AEBP2: variants seen among roughly 807,000 people sequenced by gnomAD.
AEBP2 encodes the protein zinc finger protein AEBP2.
In AEBP2, 10 loss-of-function variants were observed where a neutral mutation model predicts 50.8. The observed-to-expected ratio is 0.20, with a 90% confidence interval of 0.12 to 0.33. AEBP2 has a LOEUF of 0.33. Among genes scored for constraint, AEBP2 ranks in the 10% least tolerant of loss-of-function variants. The pLI, the probability that AEBP2 is intolerant of heterozygous loss-of-function variation, is 1.00. For missense variants in AEBP2, 570 were observed against 688.0 expected (o/e 0.83, Z 1.92); for synonymous variants, 296 against 261.3 (o/e 1.13, Z -1.28).
At chr12:19,483,152 A>T (rs1224764335) in intron 3 of AEBP2, among the ~76,000 whole-genome samples, 1 of 151,752 alleles carries the variant, frequency 6.6e-6, no homozygotes, top group Non-Finnish European at 1.5e-5. Flanking sequence ...TTGCCCTGTT[A>T]CCCTTCCCTA....
intron 1 of AEBP2, among the ~76,000 whole-genome samples, chr12:19,415,329 AAAAAAAAAAAAAAAAAAAAAAAT>A (rs1479650467): frequency 3.8e-5 from 1 of 26,416 alleles, no homozygotes; most frequent in African/African-American, 1.2e-4. Context: ...AAAAAAAAAA[AAAAAAAAAAAAAAAAAAAAAAAT>A]ATATATATAT....
rs535563643 is a variant in AEBP2 at position 19,444,933 on chromosome 12, C to T, written c.671+4563C>T. ...ATTTTGAGACAGAGTCTTGCTCTGT[C>T]ACGCAGGCTGGAGTGCAGTGGCGCG... is the stretch of plus-strand genomic sequence containing the variant. On this transcript the variant is annotated intron_variant, in intron 1 of 7. Coordinates refer to ENST00000266508, the MANE Select transcript of AEBP2 (RefSeq NM_153207.5). 5.3e-5 allele frequency among the ~76,000 whole-genome samples: 8 copies of T among 152,256 alleles called. No individual in the cohort carries two copies. In the South Asian group the frequency reaches 1.7e-3, roughly 32 times the overall value.
Position 19,519,932 on chromosome 12 carries a change from A to C in AEBP2, c.*1815A>C, listed in dbSNP as rs1366533901. The C allele has an allele frequency of 1.3e-5, 2 of 152,454 alleles. No individual in the cohort carries two copies. Among genetic ancestry groups the C allele is most frequent in the Non-Finnish European group, 2.9e-5 (2 of 67,978 alleles). 9.4% of individuals were successfully genotyped at this position (152,454 alleles called of 1,614,324 possible). ...GGGTATTATCCATTTGATCTATAGCAATGTGATTTTATTTTTAAAAAGAAA... is the reference window on the plus strand; with the variant it reads ...GGGTATTATCCATTTGATCTATAGCCATGTGATTTTATTTTTAAAAAGAAA... On this transcript the variant is annotated 3_prime_UTR_variant, in exon 8 of 8. Transcript: ENST00000266508.
Position 19,512,385 on chromosome 12 carries a change from A to T in AEBP2, c.1300-13A>T, listed in dbSNP as rs377616122. ...CACATTGTTTTTATGATTTCTTTTC[A>T]TGTCATTATCAGGTAATAGCTAAGA... On this transcript the variant is annotated splice_polypyrimidine_tract_variant and intron_variant, in intron 5 of 7. Coordinates refer to ENST00000266508, the MANE Select transcript of AEBP2 (RefSeq NM_153207.5). The T allele has an allele frequency of 1.3e-6, 2 of 1,505,842 alleles. No homozygotes were observed. Among genetic ancestry groups the T allele is most frequent in the Non-Finnish European group, 1.8e-6 (2 of 1,116,616 alleles). The allele number at this position is 1,505,842 out of a possible 1,614,324, so 93.3% of individuals were successfully genotyped here. A position where few individuals can be genotyped will look rare whatever the true frequency, so the allele number is the denominator to read the frequency against.
At chr12:19,440,460 C>T (rs1190318775) in intron 1 of AEBP2, 90 bp downstream of exon 1, 19 of 1,410,628 alleles carry the variant, frequency 1.3e-5, no homozygotes, top group South Asian at 9.6e-5. Flanking sequence ...TTGCCGCGAT[C>T]CCCCTGCTCC....
intron 3 of AEBP2, among the ~76,000 whole-genome samples, chr12:19,491,577 C>T (rs1948895383): frequency 6.6e-6 from 1 of 152,064 alleles, no homozygotes; most frequent in African/African-American, 2.4e-5. Flanking sequence ...ATTTCTACCT[C>T]TTTTTTAACT....
chr12:19,443,752 G>C (rs1230999015), intron 1 of AEBP2, among the ~76,000 whole-genome samples: 5 of 152,094 alleles, frequency 3.3e-5, no homozygotes, highest in African/African-American at 1.2e-4. Flanking sequence ...TAAAGACATA[G>C]ATATTAGAGG....
chr12:19,414,475 A>G (rs2095741138), intron 1 of AEBP2, among the ~76,000 whole-genome samples: 1 of 152,172 alleles, frequency 6.6e-6, no homozygotes, highest in Non-Finnish European at 1.5e-5. Flanking sequence ...TAAGATTTTC[A>G]GGGAATAGGC....
intron 1 of AEBP2, among the ~76,000 whole-genome samples, chr12:19,423,190 A>T (rs1484012512): frequency 6.6e-6 from 1 of 151,912 alleles, no homozygotes; most frequent in African/African-American, 2.4e-5. Context: ...TGCCTCATAC[A>T]TAGTAGACAC....
At chr12:19,452,874 T>C (rs962929100) in intron 1 of AEBP2, among the ~76,000 whole-genome samples, 9 of 152,114 alleles carry the variant, frequency 5.9e-5, no homozygotes, top group African/African-American at 2.2e-4. Context: ...CCTGTTAATA[T>C]GATTAGATTA....
chr12:19,430,193 A>G (rs1290046512), intron 1 of AEBP2, among the ~76,000 whole-genome samples: 3 of 152,170 alleles, frequency 2.0e-5, no homozygotes, highest in Non-Finnish European at 4.4e-5. Context: ...CTTTCTACAT[A>G]TGGCTAGCCA....
Position 19,482,447 on chromosome 12 carries a change from C to T in AEBP2, c.987+9092C>T, listed in dbSNP as rs1355089472. On this transcript the variant is annotated intron_variant, in intron 3 of 7. Coordinates refer to ENST00000266508, the MANE Select transcript of AEBP2 (RefSeq NM_153207.5). ...CAGGACCTCTGGTTGGCCAGGATGTCGCAGGCAGTGGAATTAGCTGTTGTT... is the reference window on the plus strand; with the variant it reads ...CAGGACCTCTGGTTGGCCAGGATGTTGCAGGCAGTGGAATTAGCTGTTGTT... Among the ~76,000 whole-genome samples, 3 of 152,184 alleles carry T rather than the reference C, an allele frequency of 2.0e-5. No individual in the cohort carries two copies. The East Asian group carries it at 5.8e-4, about 29-fold the overall frequency.
rs1443483463 is a variant in AEBP2, at chr12:19,509,816, CTTTCTTTTTTTTTTT to C, written c.1300-2578_1300-2564del. The stretch of plus-strand genomic sequence containing the variant: ...TTCGATAATATTAGTAACATGGCTA[CTTTCTTTTTTTTTTT>C]TTTTTTTTTTTTTTTGAGATGGAGT... On this transcript the variant is annotated intron_variant, in intron 5 of 7. Transcript: ENST00000266508. Among the ~76,000 whole-genome samples the C allele has an allele frequency of 3.5e-3, 424 of 121,064 alleles. 2 individuals carry two copies. The highest frequency in any genetic ancestry group is 0.013 in the African/African-American group (408 of 30,778). The allele number at this position is 121,064 out of a possible 152,430, so 79.4% of individuals were successfully genotyped here. A position where few individuals can be genotyped will look rare whatever the true frequency, so the allele number is the denominator to read the frequency against.
intron 5 of AEBP2, among the ~76,000 whole-genome samples, chr12:19,504,660 T>A (rs1301500735): frequency 6.6e-6 from 1 of 152,142 alleles, no homozygotes; most frequent in Non-Finnish European, 1.5e-5. Context: ...ACAGGGAAGA[T>A]AGATCCTGCT....
intron 1 of AEBP2, chr12:19,456,611 A>G (rs952554996): frequency 6.6e-7 from 1 of 1,525,224 alleles, no homozygotes; most frequent in Non-Finnish European, 9.1e-7. Context: ...TCACCTGAGC[A>G]GTGAAGCCAG....
chr12:19,416,057 C>G (rs1425507008), intron 1 of AEBP2, among the ~76,000 whole-genome samples: 1 of 152,146 alleles, frequency 6.6e-6, no homozygotes, highest in African/African-American at 2.4e-5. Context: ...TGGTGCGTGC[C>G]TGTGGTCTCA....
intron 3 of AEBP2, among the ~76,000 whole-genome samples, chr12:19,490,292 C>T (rs1213522551): frequency 3.3e-5 from 5 of 152,076 alleles, no homozygotes; most frequent in Non-Finnish European, 5.9e-5. Context: ...TTAGAAGTTA[C>T]CTATATCTAA....
intron 1 of AEBP2, among the ~76,000 whole-genome samples, chr12:19,442,278 C>T (rs953531907): frequency 9.9e-5 from 15 of 152,172 alleles, no homozygotes; most frequent in South Asian, 4.1e-4. Flanking sequence ...AGTGGTGGCG[C>T]GCGCCTGTGT....
At chr12:19,440,594 C>A in intron 1 of AEBP2, 1 of 1,465,364 alleles carries the variant, frequency 6.8e-7, no homozygotes, top group Non-Finnish European at 9.1e-7. Flanking sequence ...TCTCCTTTCC[C>A]CGCCCTCTTT....
Sources: allele counts gnomAD v4.1 joint callset (sites outside exome capture counted in the v4.1 genomes callset), GRCh38; gene constraint gnomAD v4.1.1; transcripts MANE v1.5; gene names NCBI Gene and HGNC (gene_info 2026-07-23, HGNC 2026-07-21).